Variants in ABCC1 observed in about 807,000 individuals in gnomAD.
ABCC1 encodes the protein ATP binding cassette subfamily C member 1 (ABCC1 blood group), also known as multidrug resistance-associated protein 1.
In ABCC1, 83 loss-of-function variants were observed where a neutral mutation model predicts 172.9. The ratio of observed to expected loss-of-function variants is 0.48; its 90% CI spans 0.40 to 0.58. The LOEUF is 0.58. ABCC1 is among the 20% of genes least tolerant of loss of function. The probability of loss-of-function intolerance (pLI) is 0.00; values close to 1 mark genes in which losing one functional copy is unlikely to be tolerated. For synonymous variants in ABCC1, 937 were observed against 825.2 expected (o/e 1.14, Z -2.32); for missense variants, 1,817 against 2,002.7 (o/e 0.91, Z 1.77).
At chr16:16,083,095 C>T (rs1015087621) in intron 16 of ABCC1, among the ~76,000 whole-genome samples, 4 of 152,236 alleles carry the variant, frequency 2.6e-5, no homozygotes, top group African/African-American at 4.8e-5. Flanking sequence ...TAATAGCTAG[C>T]TACTAAGTAA....
chr16:16,128,642 C>G (rs1432389845), intron 26 of ABCC1, among the ~76,000 whole-genome samples: 2 of 152,166 alleles, frequency 1.3e-5, no homozygotes, highest in African/African-American at 4.8e-5. Context: ...GTTATAGCAT[C>G]TCCCCTTCAA....
chr16:16,093,171 G>A (rs567070140), intron 19 of ABCC1, among the ~76,000 whole-genome samples: 106 of 151,654 alleles, frequency 7.0e-4, no homozygotes, highest in African/African-American at 2.5e-3. Flanking sequence ...CTCTCAGCCC[G>A]AGCAATGCAT....
At chr16:15,996,273 C>T (rs1294262330) in intron 1 of ABCC1, among the ~76,000 whole-genome samples, 4 of 152,102 alleles carry the variant, frequency 2.6e-5, no homozygotes, top group African/African-American at 9.7e-5. Context: ...GTGAACCCCT[C>T]CACCCGGCCA....
intron 1 of ABCC1, among the ~76,000 whole-genome samples, chr16:15,959,396 G>C (rs1031384757): frequency 5.9e-5 from 9 of 152,268 alleles, no homozygotes; most frequent in African/African-American, 2.2e-4. Context: ...CACAATCATA[G>C]CTCACTGCAG....
At chr16:16,133,795 C>T (rs1435139747) in intron 27 of ABCC1, among the ~76,000 whole-genome samples, 1 of 152,140 alleles carries the variant, frequency 6.6e-6, no homozygotes, top group African/African-American at 2.4e-5. Flanking sequence ...AGAAGGAGCC[C>T]ACTTCTCAAG....
intron 30 of ABCC1, among the ~76,000 whole-genome samples, chr16:16,140,507 T>C (rs1360936416): frequency 6.6e-6 from 1 of 152,154 alleles, no homozygotes; most frequent in African/African-American, 2.4e-5. Context: ...GCTGACATGA[T>C]GTTTCTAGTT....
chr16:16,083,303 G>C (rs2050876289), intron 16 of ABCC1, 63 bp from the exon 17 acceptor site: 1 of 1,543,144 alleles, frequency 6.5e-7, no homozygotes, highest in Admixed American at 1.7e-5. Flanking sequence ...TGGGCCAGCT[G>C]TTGTCTCGTT....
chr16:16,092,118 G>C (rs912215431), intron 19 of ABCC1, among the ~76,000 whole-genome samples: 3 of 152,142 alleles, frequency 2.0e-5, no homozygotes, highest in Non-Finnish European at 2.9e-5. Context: ...CACGCCTATA[G>C]GCCCAGCTAC....
chr16:16,121,954 C>T (rs146498960), intron 23 of ABCC1, 21 bp from the exon 24 acceptor site: 143 of 1,613,646 alleles, frequency 8.9e-5, no homozygotes, highest in South Asian at 4.6e-4. Flanking sequence ...ATCAACTCCC[C>T]GCGTCTGTTC....
intron 5 of ABCC1, among the ~76,000 whole-genome samples, chr16:16,030,581 TCTC>T (rs1371406773): frequency 2.0e-5 from 3 of 151,930 alleles, no homozygotes; most frequent in Non-Finnish European, 4.4e-5. Flanking sequence ...TTGTACTTAT[TCTC>T]CTTGTCAAAG....
chr16:15,974,365 A>G (rs2046436282), intron 1 of ABCC1, among the ~76,000 whole-genome samples: 1 of 142,782 alleles, frequency 7.0e-6, no homozygotes. Flanking sequence ...TGGCCTGGTC[A>G]GGTAGCTTGA....
intron 13 of ABCC1, among the ~76,000 whole-genome samples, chr16:16,069,162 T>TAAAA (rs2050229958): frequency 7.4e-6 from 1 of 135,924 alleles, no homozygotes; most frequent in African/African-American, 2.9e-5. Context: ...TAAAATAAAA[T>TAAAA]AAAATAAAAA....
intron 27 of ABCC1, among the ~76,000 whole-genome samples, chr16:16,132,553 A>G (rs1443868802): frequency 1.2e-5 from 1 of 83,722 alleles, no homozygotes; most frequent in African/African-American, 4.9e-5. Flanking sequence ...ATGGAGTCTT[A>G]CTCTGTTGCC....
intron 27 of ABCC1, among the ~76,000 whole-genome samples, chr16:16,133,040 G>T (rs992776191): frequency 6.6e-6 from 1 of 152,060 alleles, no homozygotes; most frequent in African/African-American, 2.4e-5. Context: ...ATTAGAATTT[G>T]TGATCTCTAG....
At chr16:16,047,071 A>G (rs1308161441) in intron 9 of ABCC1, among the ~76,000 whole-genome samples, 1 of 152,068 alleles carries the variant, frequency 6.6e-6, no homozygotes, top group Non-Finnish European at 1.5e-5. Flanking sequence ...GGTGGTGCGT[A>G]CCTGTAGTCC....
intron 1 of ABCC1, among the ~76,000 whole-genome samples, chr16:15,958,292 G>C (rs1037408133): frequency 1.3e-5 from 2 of 151,958 alleles, no homozygotes; most frequent in Non-Finnish European, 2.9e-5. Flanking sequence ...TTTTAGTAGA[G>C]ATGGGGTTTC....
chr16:16,011,680 T>C (rs908307649), intron 3 of ABCC1, among the ~76,000 whole-genome samples: 4 of 151,868 alleles, frequency 2.6e-5, no homozygotes, highest in African/African-American at 7.3e-5. Flanking sequence ...TTTTTTATTT[T>C]TCCCCCCGAG....
At chr16:16,074,185 T>C (rs1005702316) in intron 14 of ABCC1, among the ~76,000 whole-genome samples, 2 of 152,150 alleles carry the variant, frequency 1.3e-5, no homozygotes, top group Non-Finnish European at 2.9e-5. Context: ...AACCCTGGAC[T>C]CTACCCATTA....
chr16:15,982,645 CAAA>C (rs35126918), intron 1 of ABCC1, among the ~76,000 whole-genome samples: 4 of 130,030 alleles, frequency 3.1e-5, no homozygotes, highest in African/African-American at 8.7e-5. Context: ...CTGTCTCTAC[CAAA>C]AAAAAAAAAA....
Sources: allele counts gnomAD v4.1 joint callset (sites outside exome capture counted in the v4.1 genomes callset), GRCh38; gene constraint gnomAD v4.1.1; transcripts MANE v1.5; gene names NCBI Gene and HGNC (gene_info 2026-07-23, HGNC 2026-07-21).